MTHFD2L: variants seen among roughly 807,000 people sequenced by gnomAD.
MTHFD2L encodes methylenetetrahydrofolate dehydrogenase (NADP+ dependent) 2 like.
A neutral mutation model predicts 34.9 loss-of-function variants in MTHFD2L; 29 were observed. The observed-to-expected ratio is 0.83, with a 90% confidence interval of 0.62 to 1.13. The LOEUF (loss-of-function observed/expected upper bound fraction) is 1.13, where lower values mean the gene tolerates loss of function less well. Ranked by LOEUF, MTHFD2L falls within the 50% of genes most tolerant of loss-of-function variation. MTHFD2L has a pLI of 0.00. For synonymous variants in MTHFD2L, 167 were observed against 155.7 expected (o/e 1.07, Z -0.54); for missense variants, 481 against 446.5 (o/e 1.08, Z -0.70).
At chr4:74,144,717 G>A (rs1723485712) in intron 1 of MTHFD2L, among the ~76,000 whole-genome samples, 1 of 152,236 alleles carries the variant, frequency 6.6e-6, no homozygotes, top group Non-Finnish European at 1.5e-5. Flanking sequence ...GTGTCTTGGA[G>A]ATGTCCCATG....
chr4:74,141,308 G>A (rs1723261742), intron 1 of MTHFD2L, among the ~76,000 whole-genome samples: 1 of 152,198 alleles, frequency 6.6e-6, no homozygotes, highest in South Asian at 2.1e-4. Context: ...AGGATAACAT[G>A]AGATAACAGA....
intron 6 of MTHFD2L, among the ~76,000 whole-genome samples, chr4:74,260,803 G>A (rs889354065): frequency 1.3e-5 from 2 of 151,952 alleles, no homozygotes; most frequent in African/African-American, 2.4e-5. Flanking sequence ...AAACCATAGT[G>A]TATGAAAAGA....
At chr4:74,280,162 C>A (rs945551317) in intron 6 of MTHFD2L, 2 of 152,104 alleles carry the variant, frequency 1.3e-5, no homozygotes, top group Admixed American at 1.3e-4. Context: ...GTCTTTGATT[C>A]TCCTCCCATT....
chr4:74,273,122 A>T (rs1463935181), intron 6 of MTHFD2L, among the ~76,000 whole-genome samples: 1 of 152,256 alleles, frequency 6.6e-6, no homozygotes, highest in South Asian at 2.1e-4. Flanking sequence ...CATTCCTAAA[A>T]CTATTCCTGA....
intron 6 of MTHFD2L, among the ~76,000 whole-genome samples, chr4:74,244,683 G>A (rs1377974709): frequency 6.6e-6 from 1 of 152,142 alleles, no homozygotes; most frequent in Non-Finnish European, 1.5e-5. Flanking sequence ...CAGACCAGTG[G>A]ATTTTAGCAT....
chr4:74,201,392 C>G, intron 5 of MTHFD2L, 22 bp downstream of exon 5: 1 of 1,526,508 alleles, frequency 6.6e-7, no homozygotes, highest in African/African-American at 1.4e-5. Context: ...CTTGCAGATT[C>G]TACACTCTCT....
intron 1 of MTHFD2L, chr4:74,162,167 A>G (rs970074867): frequency 6.6e-6 from 1 of 152,234 alleles, no homozygotes; most frequent in African/African-American, 2.4e-5. Flanking sequence ...TTAATGTTAC[A>G]TCACAAGTGG....
chr4:74,293,572 A>G (rs1018188413), intron 7 of MTHFD2L: 7 of 959,450 alleles, frequency 7.3e-6, no homozygotes, highest in Non-Finnish European at 8.7e-6. Flanking sequence ...TGTAAGAAGA[A>G]ATATAGTAAA....
At chr4:74,273,341 GAGA>G (rs566515803) in intron 6 of MTHFD2L, among the ~76,000 whole-genome samples, 66 of 152,224 alleles carry the variant, frequency 4.3e-4, no homozygotes, top group African/African-American at 1.5e-3. Flanking sequence ...AACACTCTGG[GAGA>G]AGAAGAATAA....
At position 74,207,766 on chromosome 4, in the gene MTHFD2L, C is replaced by CTTT. The variant is rs768932793; in HGVS notation, c.712+6410_712+6412dup. 2.7e-4 allele frequency among the ~76,000 whole-genome samples: 35 copies of CTTT among 128,468 alleles called. 3 individuals are homozygous for CTTT. The highest frequency in any genetic ancestry group is 9.5e-4 in the African/African-American group (31 of 32,644). 84.3% of individuals were successfully genotyped at this position (128,468 alleles called of 152,430 possible). On this transcript the variant is annotated intron_variant, in intron 5 of 7. Transcript: ENST00000325278. ...AATTAACCCCAGTTGTGAAAAAGAA[C>CTTT]TTTTTTTTTTTTTTTTGCCAGCCTG... is the stretch of plus-strand genomic sequence containing the variant.
chr4:74,290,865 A>G (rs980151330), intron 7 of MTHFD2L, among the ~76,000 whole-genome samples: 1 of 150,196 alleles, frequency 6.7e-6, no homozygotes, highest in Admixed American at 6.6e-5. Context: ...TCTTCTCCTG[A>G]CTCTCCTTAC....
chr4:74,238,745 C>T (rs1295095407), intron 6 of MTHFD2L, among the ~76,000 whole-genome samples: 1 of 152,150 alleles, frequency 6.6e-6, no homozygotes, highest in Non-Finnish European at 1.5e-5. Context: ...AAATGCTCAT[C>T]GTTATTGGTC....
intron 6 of MTHFD2L, among the ~76,000 whole-genome samples, chr4:74,256,790 C>G (rs1744080200): frequency 6.6e-6 from 1 of 152,148 alleles, no homozygotes; most frequent in Non-Finnish European, 1.5e-5. Context: ...GTTCTCTATT[C>G]TGTTCCATTG....
chr4:74,214,118 T>C (rs775543503), intron 5 of MTHFD2L, among the ~76,000 whole-genome samples: 1 of 151,784 alleles, frequency 6.6e-6, no homozygotes, highest in Admixed American at 6.6e-5. Context: ...GTAACCTCTT[T>C]TCAAGGTTCT....
chr4:74,179,502 T>G (rs1016053064), intron 3 of MTHFD2L, among the ~76,000 whole-genome samples: 13 of 152,066 alleles, frequency 8.5e-5, no homozygotes, highest in Admixed American at 5.9e-4. Flanking sequence ...TAATTGCACT[T>G]TGGTACATTT....
rs139133412 is a variant in MTHFD2L at position 74,234,796 on chromosome 4, A to AGTGTGTGTGTGT, written c.805+9415_805+9426dup. Among the ~76,000 whole-genome samples, 1,265 of 149,522 alleles carry AGTGTGTGTGTGT rather than the reference A, an allele frequency of 8.5e-3. 15 individuals carry two copies. The highest frequency in any genetic ancestry group is 0.029 in the African/African-American group (1,185 of 40,978). On this transcript the variant is annotated intron_variant, in intron 6 of 7. Coordinates refer to ENST00000325278, the MANE Select transcript of MTHFD2L (RefSeq NM_001144978.3). Reference sequence around the variant, plus strand: ...TGTCTATCTGTTTAGAAAAGGAGACAGTGTGTGTGTGTGTGTGTGTGTGTT... The same window carrying AGTGTGTGTGTGT: ...TGTCTATCTGTTTAGAAAAGGAGACAGTGTGTGTGTGTGTGTGTGTGTGTGTGTGTGTGTGTT...
chr4:74,299,154 A>G (rs941351765), intron 7 of MTHFD2L, among the ~76,000 whole-genome samples: 2 of 151,962 alleles, frequency 1.3e-5, no homozygotes, highest in African/African-American at 4.8e-5. Flanking sequence ...TACCCACAAT[A>G]GGTTTTCTGA....
intron 7 of MTHFD2L, among the ~76,000 whole-genome samples, chr4:74,298,045 C>T (rs562325368): frequency 6.6e-6 from 1 of 152,106 alleles, no homozygotes; most frequent in African/African-American, 2.4e-5. Context: ...GACACAGATA[C>T]TCATGAAAAT....
At chr4:74,130,224 T>G (rs1390566263) in intron 1 of MTHFD2L, among the ~76,000 whole-genome samples, 3 of 152,114 alleles carry the variant, frequency 2.0e-5, no homozygotes, top group African/African-American at 7.2e-5. Flanking sequence ...GACTCCTCCC[T>G]AACTCATTTT....
Sources: gnomAD v4.1 joint callset for allele counts (sites outside exome capture counted in the v4.1 genomes callset) on GRCh38, gnomAD v4.1.1 for gene constraint, MANE v1.5 for transcripts, NCBI Gene and HGNC (gene_info 2026-07-23, HGNC 2026-07-21) for gene names.